Variants in NOC3L observed in about 807,000 individuals in gnomAD.
NOC3L encodes the protein nucleolar complex protein 3 homolog.
Under a neutral mutation model 102.5 loss-of-function variants are expected in NOC3L, and 85 were observed. The ratio of observed to expected loss-of-function variants is 0.83; its 90% CI spans 0.70 to 0.99. The LOEUF (loss-of-function observed/expected upper bound fraction) is 0.99, where lower values mean the gene tolerates loss of function less well. Ranked by LOEUF, NOC3L falls within the 50% of genes least tolerant of loss-of-function variation. The pLI is 0.00. For synonymous variants in NOC3L, 303 were observed against 309.4 expected, an observed-to-expected ratio of 0.98 and a Z score of 0.22; for missense variants, 878 against 914.9, an observed-to-expected ratio of 0.96 and a Z score of 0.52.
At position 94,358,129 on chromosome 10, in the gene NOC3L, C is replaced by T. The variant is rs746055344; in HGVS notation, c.304G>A (p.Asp102Asn). ...MDEDDLQLMK[D>N]LGQRVSFLTR... ...AGAAAAGATACTCTTTGTCCTAAAT[C>T]CTTCATTAACTGTAAGTCATCTTCA... Residue 102 changes from aspartate to asparagine, a missense_variant, in exon 3 of 21, where the codon GAT becomes AAT. Asp to Asn is a conservative substitution (Grantham distance 23). Transcript: ENST00000371361. The T allele has an allele frequency of 4.3e-6, 7 of 1,611,182 alleles. No individual in the cohort carries two copies. The highest frequency in any genetic ancestry group is 3.3e-5 in the Admixed American group (2 of 59,944).
Position 94,338,598 on chromosome 10 carries a change from C to T in NOC3L, c.2091+10G>A. The T allele has an allele frequency of 6.7e-7, 1 of 1,502,058 alleles. No individual in the cohort carries two copies. The highest frequency in any genetic ancestry group is 8.9e-7 in the Non-Finnish European group (1 of 1,119,198). The allele number at this position is 1,502,058 out of a possible 1,614,324, so 93.0% of individuals were successfully genotyped here. ...ATCCCCAAAAAGAAAAAAACCAGGG[C>T]CACTCTTACCCGCAGAGCATGCAGT... On this transcript the variant is annotated intron_variant, in intron 18 of 20. Transcript: ENST00000371361.
the NOC3L span, chr10:94,324,455 C>A: frequency 1.1e-5 from 18 of 1,614,024 alleles, no homozygotes; most frequent in Non-Finnish European, 1.4e-5. Context: ...AAGAAGACTA[C>A]CACACCAAAG....
chr10:94,315,739 C>T, the NOC3L span, among the ~76,000 whole-genome samples: 5 of 145,360 alleles, frequency 3.4e-5, no homozygotes, highest in South Asian at 2.2e-4. Context: ...CACTGCACTC[C>T]AGCCTGGGCG....
Position 94,344,475 on chromosome 10 carries a change from C to G in NOC3L, c.1511G>C (p.Arg504Thr), listed in dbSNP as rs11187892. 6.2e-7 allele frequency: 1 copy of G among 1,613,682 alleles called. No individual in the cohort carries two copies. The highest frequency in any genetic ancestry group is 8.5e-7 in the Non-Finnish European group (1 of 1,179,776). Residue 504 changes from arginine to threonine, a missense_variant, in exon 13 of 21, where the codon AGA becomes ACA. By Grantham distance (71) the Arg-to-Thr change is moderately conservative (BLOSUM62 -1). Coordinates refer to ENST00000371361, the MANE Select transcript of NOC3L (RefSeq NM_022451.11). ...TGACCTCTGGGCCTTCTTCAATATT[C>G]TGAAGTAGGTTACAAACACAATATT... ...TLNIVFVTYFRILKKAQRSPL... is the reference protein window; with the variant it reads ...TLNIVFVTYFTILKKAQRSPL...
chr10:94,339,884 C>A lies in NOC3L; in HGVS notation c.1817G>T (p.Cys606Phe). 1 of 1,614,150 alleles carries A rather than the reference C, an allele frequency of 6.2e-7. No homozygotes were observed. The highest frequency in any genetic ancestry group is 8.5e-7 in the Non-Finnish European group (1 of 1,180,002). The change falls in exon 17 of 21, where the codon TGC becomes TTC. Residue 606 changes from cysteine to phenylalanine, a missense_variant. Physicochemically the swap from Cys to Phe is radical, Grantham distance 205. Transcript: ENST00000371361. ...TNEGVEIVLQ[C>F]LDVMLTKRRK... ...GCGCTTAGTTAGCATGACATCAAGGCACTGGAGTACAATCTCAACACCTTC... is the reference window on the plus strand; with the variant it reads ...GCGCTTAGTTAGCATGACATCAAGGAACTGGAGTACAATCTCAACACCTTC...
Position 94,338,653 on chromosome 10 carries a change from G to C in NOC3L, c.2046C>G (p.Tyr682Ter), listed in dbSNP as rs1272847744. The C allele has an allele frequency of 6.2e-7, 1 of 1,612,500 alleles. No individual in the cohort carries two copies. Among genetic ancestry groups the C allele is most frequent in the African/African-American group, 1.3e-5 (1 of 75,040 alleles). ...VFLPELDEPE[Y>*]CNAQNTALWE... ...ACAGAGCAGTGTTCTGAGCATTGCA[G>C]TACTCAGGCTCATCCAGTTCAGGAA... is the stretch of plus-strand genomic sequence containing the variant. Residue 682 changes from tyrosine to a stop codon, truncating the protein, a stop_gained, in exon 18 of 21, where the codon TAC becomes TAG. Coordinates refer to ENST00000371361, the MANE Select transcript of NOC3L (RefSeq NM_022451.11). LOFTEE classifies it high-confidence loss of function.
chr10:94,349,143 G>A, intron 10 of NOC3L, 107 bp downstream of exon 10: 1 of 1,235,808 alleles, frequency 8.1e-7, no homozygotes, highest in South Asian at 1.6e-5. Context: ...TAAGGAGCTT[G>A]AATACTTTTT....
rs192170615 is a variant in NOC3L at position 94,344,065 on chromosome 10, G to A, written c.1571+350C>T. Among the ~76,000 whole-genome samples, 31 of 152,160 alleles carry A rather than the reference G, an allele frequency of 2.0e-4. No homozygotes were observed. The East Asian group carries it at 5.2e-3, about 26-fold the overall frequency. The stretch of plus-strand genomic sequence containing the variant: ...AGAACTAGAGAAATGATGTACAGCC[G>A]GGTTAAAATAGACTTAAGAGTCATC... On this transcript the variant is annotated intron_variant, in intron 13 of 20. Coordinates refer to ENST00000371361, the MANE Select transcript of NOC3L (RefSeq NM_022451.11).
At chr10:94,337,443 T>C (rs1228305732) in intron 19 of NOC3L, among the ~76,000 whole-genome samples, 3 of 152,092 alleles carry the variant, frequency 2.0e-5, no homozygotes, top group Non-Finnish European at 4.4e-5. Context: ...GAAGCACCTA[T>C]AGCCATAGAT....
the NOC3L span, chr10:94,316,508 T>C: frequency 1.5e-6 from 2 of 1,329,106 alleles, no homozygotes; most frequent in African/African-American, 2.9e-5. Flanking sequence ...GTTTTAAGTT[T>C]TTGCCTCACT....
chr10:94,343,698 A>AG (rs2054311524), intron 13 of NOC3L, among the ~76,000 whole-genome samples: 1 of 152,228 alleles, frequency 6.6e-6, no homozygotes, highest in Non-Finnish European at 1.5e-5. Context: ...AGCGTAAAAT[A>AG]TAAGTGTTCG....
rs1251812320 is a variant in NOC3L, at chr10:94,340,452, A to G, written c.1689T>C (p.Phe563=). 2 of 1,500,874 alleles carry G rather than the reference A, an allele frequency of 1.3e-6. No homozygotes were observed. The highest frequency in any genetic ancestry group is 1.8e-6 in the Non-Finnish European group (2 of 1,107,242). The allele number at this position is 1,500,874 out of a possible 1,614,324, so 93.0% of individuals were successfully genotyped here. A position where few individuals can be genotyped will look rare whatever the true frequency, so the allele number is the denominator to read the frequency against. The part of the protein sequence containing the change: ...QESLHCVQTA[F]HILSGQGDVL... ...TCATACCTTGTCCAGAAAGAATATG[A>G]AAAGCAGTCTGGACACAGTGAAGAC... is the stretch of plus-strand genomic sequence containing the variant. Residue 563 remains phenylalanine, a synonymous_variant, in exon 15 of 21, where the codon TTT becomes TTC. Coordinates refer to ENST00000371361, the MANE Select transcript of NOC3L (RefSeq NM_022451.11).
At chr10:94,316,083 A>G in the NOC3L span, among the ~76,000 whole-genome samples, 1 of 152,198 alleles carries the variant, frequency 6.6e-6, no homozygotes, top group African/African-American at 2.4e-5. Flanking sequence ...TCAGAAGTTT[A>G]TTTAAAGAAG....
At chr10:94,316,644 A>C in the NOC3L span, 1 of 1,611,450 alleles carries the variant, frequency 6.2e-7, no homozygotes, top group Non-Finnish European at 8.5e-7. Context: ...GAATGTAGGA[A>C]ACAACCATTC....
At position 94,338,018 on chromosome 10, in the gene NOC3L, C is replaced by T. The variant is rs149683819; in HGVS notation, c.2092-144G>A. 8.7e-4 allele frequency: 393 copies of T among 452,626 alleles called. 6 individuals carry two copies. In the East Asian group the frequency reaches 0.012, roughly 14 times the overall value. The allele number at this position is 452,626 out of a possible 1,614,324, so 28.0% of individuals were successfully genotyped here. A position where few individuals can be genotyped will look rare whatever the true frequency, so the allele number is the denominator to read the frequency against. On this transcript the variant is annotated intron_variant, in intron 18 of 20. Coordinates refer to ENST00000371361, the MANE Select transcript of NOC3L (RefSeq NM_022451.11). ...CAGTATATGTAATTCATTAGAAGCACATACCCACAGAAAGAATATTATCTT... is the reference window on the plus strand; with the variant it reads ...CAGTATATGTAATTCATTAGAAGCATATACCCACAGAAAGAATATTATCTT...
the NOC3L span, chr10:94,316,535 C>G: frequency 6.3e-7 from 1 of 1,592,222 alleles, no homozygotes; most frequent in Non-Finnish European, 8.6e-7. Flanking sequence ...TTTGCCTTCA[C>G]TTTTTCTTTA....
the NOC3L span, chr10:94,324,780 A>G: frequency 2.2e-5 from 25 of 1,138,156 alleles, no homozygotes; most frequent in Non-Finnish European, 3.1e-5. Context: ...CCTCAGCCCT[A>G]CTCTCTCCAA....
At chr10:94,341,609 T>C in intron 14 of NOC3L, 64 bp downstream of exon 14, 3 of 855,096 alleles carry the variant, frequency 3.5e-6, no homozygotes, top group Non-Finnish European at 5.2e-6. Flanking sequence ...TCAATAAACC[T>C]GAAAAATTTT....
chr10:94,358,207 T>G lies in NOC3L; in HGVS notation c.226A>C (p.Ile76Leu), dbSNP rs201609399. The change falls in exon 3 of 21, where the codon ATT becomes CTT. Residue 76 changes from isoleucine to leucine, a missense_variant. Transcript: ENST00000371361. ...TCTTCTTCCTCTTCTTCCCTCTCAA[T>G]CCTTTTACCTGTACCACACACACAC... is the stretch of plus-strand genomic sequence containing the variant. Reference protein sequence around the residue: ...NPKEKRPGKRIEREEEEEEEA... With the variant: ...NPKEKRPGKRLEREEEEEEEA... 7.0e-4 allele frequency: 1,025 copies of G among 1,462,696 alleles called. 12 individuals carry two copies. Among genetic ancestry groups the G allele is most frequent in the South Asian group, 5.6e-3 (497 of 88,178 alleles). 90.6% of individuals were successfully genotyped at this position (1,462,696 alleles called of 1,614,324 possible).
Sources: gnomAD v4.1 joint callset for allele counts (sites outside exome capture counted in the v4.1 genomes callset) on GRCh38, gnomAD v4.1.1 for gene constraint, MANE v1.5 for transcripts, NCBI Gene and HGNC (gene_info 2026-07-23, HGNC 2026-07-21) for gene names.